Variants in ITPRID2 observed in about 807,000 individuals in gnomAD.
ITPRID2 encodes the protein protein ITPRID2.
Under a neutral mutation model 124.3 loss-of-function variants are expected in ITPRID2, and 60 were observed. The observed-to-expected ratio is 0.48, with a 90% CI of 0.39 to 0.60. The LOEUF (loss-of-function observed/expected upper bound fraction) is 0.60. Ranked by LOEUF, ITPRID2 falls within the 20% of genes least tolerant of loss-of-function variation. The pLI is 0.00. For missense variants in ITPRID2, 1,553 were observed against 1,512.2 expected, an observed-to-expected ratio of 1.03 and a Z score of -0.45; for synonymous variants, 521 against 542.9, an observed-to-expected ratio of 0.96 and a Z score of 0.56.
chr2:181,902,431 A>G lies in ITPRID2; in HGVS notation c.1378A>G (p.Met460Val), dbSNP rs201652255. 1.4e-4 allele frequency: 231 copies of G among 1,600,986 alleles called. No homozygotes were observed. The highest frequency in any genetic ancestry group is 1.9e-4 in the Non-Finnish European group (228 of 1,175,356). ...PLTIPSIRNI[M>V]TQQKDSFEME... ...GACAATACCATCCATAAGAAATATA[A>G]TGACACAGCAGAAGGACTCCTTCGA... Residue 460 changes from methionine to valine, a missense_variant, in exon 8 of 18, where the codon ATG (methionine) becomes GTG (valine). By Grantham distance (21) the Met-to-Val change is conservative. Coordinates refer to ENST00000431877, the MANE Select transcript of ITPRID2 (RefSeq NM_001130445.3). This position sits in a 1 kb window ranked among gnomAD's most constrained non-coding sequence, Gnocchi z 4.4.
At position 181,910,530 on chromosome 2, in the gene ITPRID2, T is replaced by TG; in HGVS notation, c.1486+560dup. On this transcript the variant is annotated intron_variant, in intron 9 of 17. Transcript: ENST00000431877. This position sits in a 1 kb window ranked among gnomAD's most constrained non-coding sequence, Gnocchi z 4.1. ...GAATCCATCCCTTTCACTTTTAACT[T>TG]GCAACAACAACAACAACAAAAATGT... 1.5e-6 allele frequency: 1 copy of TG among 657,220 alleles called. No homozygotes were observed. The highest frequency in any genetic ancestry group is 1.8e-5 in the South Asian group (1 of 55,488). 40.7% of individuals were successfully genotyped at this position (657,220 alleles called of 1,614,324 possible).
At chr2:181,927,926 T>G (rs1184592987) in intron 16 of ITPRID2, among the ~76,000 whole-genome samples, 2 of 152,246 alleles carry the variant, frequency 1.3e-5, no homozygotes, top group African/African-American at 4.8e-5. Context: ...CCTCACCTTA[T>G]GAATTGTGAT....
rs1175389905 is a variant in ITPRID2, at chr2:181,918,866, A to T, written c.2977A>T (p.Met993Leu). The T allele has an allele frequency of 1.2e-6, 2 of 1,614,148 alleles. No homozygotes were observed. The highest frequency in any genetic ancestry group is 2.2e-5 in the South Asian group (2 of 91,078). The change falls in exon 13 of 18, where the codon ATG (methionine) becomes TTG (leucine). Residue 993 changes from methionine (M) to leucine (L), a missense_variant. By Grantham distance (15) the Met-to-Leu change is conservative. Transcript: ENST00000431877. ...TCAGCAAACCATGGTTTATCATCAT[A>T]TGACTGAGGAGGAGAGGTAAAAGTT... The part of the protein sequence containing the change: ...LRQQTMVYHH[M>L]TEEERFEVDQ...
chr2:181,914,073 T>A, intron 10 of ITPRID2, 140 bp downstream of exon 10: 1 of 558,296 alleles, frequency 1.8e-6, no homozygotes, highest in Non-Finnish European at 3.1e-6. Context: ...CATGTAGATG[T>A]TATCTAAGCA....
chr2:181,900,655 T>TTA, intron 6 of ITPRID2, 41 bp from the exon 7 acceptor site: 1 of 1,411,644 alleles, frequency 7.1e-7, no homozygotes, highest in Non-Finnish European at 9.8e-7. Flanking sequence ...TCAATTTATT[T>TTA]TATATTTTCA....
intron 6 of ITPRID2, among the ~76,000 whole-genome samples, chr2:181,899,392 ATAGCGGAGTAACTTG>A (rs1364919275): frequency 6.6e-6 from 1 of 152,252 alleles, no homozygotes; most frequent in African/African-American, 2.4e-5. Flanking sequence ...GAGGAACTCC[ATAGCGGAGTAACTTG>A]TAGTTGTAGA....
Position 181,916,231 on chromosome 2 carries a change from C to A in ITPRID2, c.2591C>A (p.Thr864Asn). 1 of 1,614,226 alleles carries A rather than the reference C, an allele frequency of 6.2e-7. No homozygotes were observed. The highest frequency in any genetic ancestry group is 1.1e-5 in the South Asian group (1 of 91,088). Reference sequence around the variant, plus strand: ...AGGCCCCTGTGTGAGCACACAAGAACTCTGAGCACTCACAGTGTTCCCAAC... The same window carrying A: ...AGGCCCCTGTGTGAGCACACAAGAAATCTGAGCACTCACAGTGTTCCCAAC... ...QERPLCEHTR[T>N]LSTHSVPNIS... is the part of the protein sequence containing the mutation. Residue 864 changes from threonine (T) to asparagine (N), a missense_variant, in exon 11 of 18, where the codon ACT becomes AAT. By Grantham distance (65) the Thr-to-Asn change is moderately conservative. Coordinates refer to ENST00000431877, the MANE Select transcript of ITPRID2 (RefSeq NM_001130445.3).
At chr2:181,918,185 C>A (rs1024441554) in intron 11 of ITPRID2, 5 of 391,700 alleles carry the variant, frequency 1.3e-5, no homozygotes, top group Non-Finnish European at 1.8e-5. Context: ...AAAATAGTGG[C>A]ATATAGGAAA....
At chr2:181,895,356 A>G (rs994016059) in intron 2 of ITPRID2, among the ~76,000 whole-genome samples, 3 of 152,126 alleles carry the variant, frequency 2.0e-5, no homozygotes, top group African/African-American at 7.2e-5. Flanking sequence ...CAAGAATGAA[A>G]AAATTTTAGC....
chr2:181,909,096 G>A (rs1319236816), intron 8 of ITPRID2, among the ~76,000 whole-genome samples: 2 of 152,224 alleles, frequency 1.3e-5, no homozygotes, highest in Non-Finnish European at 1.5e-5. Flanking sequence ...ATGTACTTGT[G>A]CAGATAGAAA....
chr2:181,897,050 C>A, intron 4 of ITPRID2, 86 bp downstream of exon 4: 1 of 1,138,216 alleles, frequency 8.8e-7, no homozygotes, highest in Non-Finnish European at 1.3e-6. Context: ...GGTTTATGAT[C>A]CTCAAGCTAA....
chr2:181,896,876 C>T lies in ITPRID2; in HGVS notation c.308-32C>T. ...TATATGAGGGTGGAGAGGAACAGAA[C>T]ACCAGGATGAGTTTTCAAATGTGTC... On this transcript the variant is annotated intron_variant, in intron 3 of 17. Transcript: ENST00000431877. The surrounding 1 kb of genome is among the most constrained non-coding windows in gnomAD (Gnocchi z 4.3). The T allele has an allele frequency of 1.9e-6, 3 of 1,583,258 alleles. No homozygotes were observed. The highest frequency in any genetic ancestry group is 2.6e-6 in the Non-Finnish European group (3 of 1,152,730).
chr2:181,902,391 G>A lies in ITPRID2; in HGVS notation c.1338G>A (p.Glu446=), dbSNP rs1259453910. ...KSVHISTPEK[E]PCAPLTIPSI... is the part of the protein sequence containing the mutation. ...TCCATATATCCACACCTGAAAAAGAGCCTTGTGCACCACTGACAATACCAT... is the reference window on the plus strand; with the variant it reads ...TCCATATATCCACACCTGAAAAAGAACCTTGTGCACCACTGACAATACCAT... The change falls in exon 8 of 18, where the codon GAG becomes GAA. Residue 446 remains glutamate (E), a synonymous_variant. Coordinates refer to ENST00000431877, the MANE Select transcript of ITPRID2 (RefSeq NM_001130445.3). This position sits in a 1 kb window ranked among gnomAD's most constrained non-coding sequence, Gnocchi z 4.4. 1.2e-6 allele frequency: 2 copies of A among 1,613,552 alleles called. No homozygotes were observed. Among genetic ancestry groups the A allele is most frequent in the African/African-American group, 1.3e-5 (1 of 74,874 alleles).
chr2:181,898,879 G>A lies in ITPRID2; in HGVS notation c.365-1G>A. The A allele has an allele frequency of 6.2e-7, 1 of 1,609,100 alleles. No individual in the cohort carries two copies. Among genetic ancestry groups the A allele is most frequent in the Non-Finnish European group, 8.5e-7 (1 of 1,175,786 alleles). ...TCTACGTTTATTGTTTTTACCTGTAGCCAACCACCTCCATGAAAGTGATGC... is the reference window on the plus strand; with the variant it reads ...TCTACGTTTATTGTTTTTACCTGTAACCAACCACCTCCATGAAAGTGATGC... On this transcript the variant is annotated splice_acceptor_variant, in intron 4 of 17. Coordinates refer to ENST00000431877, the MANE Select transcript of ITPRID2 (RefSeq NM_001130445.3). LOFTEE classifies it high-confidence loss of function.
chr2:181,916,217 T>G lies in ITPRID2; in HGVS notation c.2577T>G (p.Cys859Trp). The change falls in exon 11 of 18, where the codon TGT (cysteine) becomes TGG (tryptophan). Residue 859 changes from cysteine (C) to tryptophan (W), a missense_variant. Physicochemically the swap from Cys to Trp is radical, Grantham distance 215. Coordinates refer to ENST00000431877, the MANE Select transcript of ITPRID2 (RefSeq NM_001130445.3). ...CTGAGTGGCAAGAAAGGCCCCTGTG[T>G]GAGCACACAAGAACTCTGAGCACTC... ...IHSEWQERPL[C>W]EHTRTLSTHS... is the part of the protein sequence containing the mutation. 6.2e-7 allele frequency: 1 copy of G among 1,614,234 alleles called. No individual in the cohort carries two copies. The highest frequency in any genetic ancestry group is 1.6e-4 in the Middle Eastern group (1 of 6,062).
intron 9 of ITPRID2, among the ~76,000 whole-genome samples, chr2:181,912,601 T>C (rs1574262274): frequency 6.6e-6 from 1 of 152,262 alleles, no homozygotes; most frequent in African/African-American, 2.4e-5. Context: ...TTATATTATC[T>C]GGCTCTTTTT....
chr2:181,898,953 A>G lies in ITPRID2; in HGVS notation c.404+34A>G, dbSNP rs775875537. The G allele has an allele frequency of 3.1e-6, 5 of 1,600,854 alleles. No homozygotes were observed. The East Asian group carries it at 6.7e-5, about 21-fold the overall frequency. On this transcript the variant is annotated intron_variant, in intron 5 of 17. Transcript: ENST00000431877. Reference sequence around the variant, plus strand: ...CTGTTTTGTTCTATTTCTTTTAAAAAATGAAGACCTTTAATGAAAATAAAG... The same window carrying G: ...CTGTTTTGTTCTATTTCTTTTAAAAGATGAAGACCTTTAATGAAAATAAAG...
rs115152792 is a variant in ITPRID2, at chr2:181,899,577, G to A, written c.503+465G>A. On this transcript the variant is annotated intron_variant, in intron 6 of 17. Coordinates refer to ENST00000431877, the MANE Select transcript of ITPRID2 (RefSeq NM_001130445.3). The stretch of plus-strand genomic sequence containing the variant: ...ATAGCCAGGCCCAGTGGCTGACACC[G>A]GTAATCCCAGTGCTTTGGAGTGTCA... 6.1e-3 allele frequency among the ~76,000 whole-genome samples: 924 copies of A among 152,236 alleles called. 6 individuals carry two copies. Among genetic ancestry groups the A allele is most frequent in the African/African-American group, 0.021 (856 of 41,530 alleles).
At chr2:181,914,083 AT>A (rs1693840033) in intron 10 of ITPRID2, 150 bp downstream of exon 10, 1 of 534,842 alleles carries the variant, frequency 1.9e-6, no homozygotes, top group Non-Finnish European at 3.2e-6. Flanking sequence ...TTATCTAAGC[AT>A]TTGACTATAA....
Sources: gnomAD v4.1 joint callset for allele counts (sites outside exome capture counted in the v4.1 genomes callset) on GRCh38, gnomAD v4.1.1 for gene constraint, Gnocchi (gnomAD v3.1) non-coding constraint, MANE v1.5 for transcripts, NCBI Gene and HGNC (gene_info 2026-07-23, HGNC 2026-07-21) for gene names.